Variants in SRFBP1 observed in about 807,000 individuals in gnomAD.
SRFBP1 encodes serum response factor-binding protein 1.
Under a neutral mutation model 45.5 loss-of-function variants are expected in SRFBP1, and 47 were observed. That is an observed-to-expected ratio of 1.03 (90% CI 0.82 to 1.32). The LOEUF (loss-of-function observed/expected upper bound fraction) is 1.32, where lower values mean the gene tolerates loss of function less well. SRFBP1 is among the 40% of genes most tolerant of loss of function. SRFBP1 has a pLI of 0.00. For synonymous variants in SRFBP1, 203 were observed against 166.3 expected (o/e 1.22, Z -1.70); for missense variants, 621 against 484.6 (o/e 1.28, Z -2.64).
At chr5:122,066,531 A>G (rs926403350) in intron 2 of SRFBP1, 1 of 492,076 alleles carries the variant, frequency 2.0e-6, no homozygotes, top group African/African-American at 1.9e-5. Context: ...AGTGATGTAA[A>G]TAATAAACAT....
intron 6 of SRFBP1, among the ~76,000 whole-genome samples, chr5:122,021,656 C>T (rs540210200): frequency 1.1e-4 from 15 of 141,210 alleles, no homozygotes; most frequent in Admixed American, 1.0e-3. Context: ...CCCTTTACCA[C>T]AAAATATAAA....
intron 3 of SRFBP1, among the ~76,000 whole-genome samples, chr5:121,981,421 T>C (rs1350401724): frequency 6.6e-6 from 1 of 152,070 alleles, no homozygotes; most frequent in Non-Finnish European, 1.5e-5. Context: ...AATCATGTTC[T>C]GCACTCTAAC....
At chr5:121,987,067 C>T (rs1752533604) in intron 3 of SRFBP1, among the ~76,000 whole-genome samples, 1 of 152,046 alleles carries the variant, frequency 6.6e-6, no homozygotes, top group Non-Finnish European at 1.5e-5. Context: ...ATATAATGGG[C>T]CTTGGAGTTA....
intron 4 of SRFBP1, among the ~76,000 whole-genome samples, chr5:122,017,811 G>A (rs892150611): frequency 4.6e-5 from 7 of 152,130 alleles, no homozygotes; most frequent in African/African-American, 9.7e-5. Context: ...TCACAATGAA[G>A]GGTAAATTTA....
At chr5:122,010,635 C>G (rs1207259659) in intron 4 of SRFBP1, among the ~76,000 whole-genome samples, 1 of 138,642 alleles carries the variant, frequency 7.2e-6, no homozygotes, top group Non-Finnish European at 1.5e-5. Flanking sequence ...ATCACTTACA[C>G]TTAATGTTCC....
chr5:122,027,672 G>C lies in SRFBP1; in HGVS notation c.*546G>C, dbSNP rs2112717285. 1 of 152,104 alleles carries C rather than the reference G, an allele frequency of 6.6e-6. No homozygotes were observed. The highest frequency in any genetic ancestry group is 2.1e-4 in the South Asian group (1 of 4,816). 9.4% of individuals were successfully genotyped at this position (152,104 alleles called of 1,614,324 possible). A position where few individuals can be genotyped will look rare whatever the true frequency, so the allele number is the denominator to read the frequency against. On this transcript the variant is annotated 3_prime_UTR_variant, in exon 8 of 8. Coordinates refer to ENST00000339397, the MANE Select transcript of SRFBP1 (RefSeq NM_152546.3). ...CATAGGAAATCAGCTATTTAAACCAGATCACCCTTGTTAAAAATCATTCTT... is the reference window on the plus strand; with the variant it reads ...CATAGGAAATCAGCTATTTAAACCACATCACCCTTGTTAAAAATCATTCTT...
In SRFBP1 at chr5:122,058,529, A is replaced by AGTGTGTGT. The variant is rs147926229; in HGVS notation, n.312-16751_312-16744dup. ...CATAGCTGTGAGAAGACAATGAGAT[A>AGTGTGTGT]GTGTGTGTGTGTGTGTGTGTGTGTG... On this transcript the variant is annotated intron_variant and non_coding_transcript_variant, in intron 2 of 2. Coordinates refer to the SRFBP1 transcript ENST00000504881. Among the ~76,000 whole-genome samples, 560 of 142,340 alleles carry AGTGTGTGT rather than the reference A, an allele frequency of 3.9e-3. 1 individual carries two copies. Among genetic ancestry groups the AGTGTGTGT allele is most frequent in the African/African-American group, 5.9e-3 (229 of 39,060 alleles). 93.4% of individuals were successfully genotyped at this position (142,340 alleles called of 152,430 possible).
At chr5:121,980,203 CT>C (rs1752381393) in intron 3 of SRFBP1, among the ~76,000 whole-genome samples, 1 of 152,126 alleles carries the variant, frequency 6.6e-6, no homozygotes, top group South Asian at 2.1e-4. Flanking sequence ...TGTATTTATA[CT>C]TTTCCTTCCA....
chr5:122,063,794 T>C (rs934026519), intron 2 of SRFBP1: 1 of 151,972 alleles, frequency 6.6e-6, no homozygotes, highest in African/African-American at 2.4e-5. Context: ...AGGAAAATTT[T>C]AATGAATTGC....
intron 3 of SRFBP1, among the ~76,000 whole-genome samples, chr5:121,981,799 G>A (rs765745451): frequency 1.4e-4 from 21 of 151,706 alleles, no homozygotes; most frequent in East Asian, 1.9e-4. Context: ...ATGTATTTCC[G>A]CTATCATATG....
chr5:121,963,701 A>T (rs1449304777), intron 1 of SRFBP1, among the ~76,000 whole-genome samples: 2 of 151,960 alleles, frequency 1.3e-5, no homozygotes, highest in Non-Finnish European at 2.9e-5. Flanking sequence ...TGTGTCTATC[A>T]TGTGTAGCAC....
intron 7 of SRFBP1, among the ~76,000 whole-genome samples, chr5:122,024,956 T>TC (rs994055269): frequency 6.6e-6 from 1 of 152,196 alleles, no homozygotes; most frequent in African/African-American, 2.4e-5. Flanking sequence ...TTGTTTTGTT[T>TC]TTTTTATTTT....
At chr5:121,968,221 CATTATTATTATTATT>C (rs5870986) in intron 1 of SRFBP1, among the ~76,000 whole-genome samples, 1 of 144,706 alleles carries the variant, frequency 6.9e-6, no homozygotes, top group Admixed American at 6.9e-5. Context: ...CAAACTCTGT[CATTATTATTATTATT>C]ATTATTATTA....
rs1488214791 is a variant in SRFBP1, at chr5:122,019,258, A to G, written c.271-2A>G. On this transcript the variant is annotated splice_acceptor_variant, in intron 4 of 7. Coordinates refer to ENST00000339397, the MANE Select transcript of SRFBP1 (RefSeq NM_152546.3). LOFTEE classifies it high-confidence loss of function. ...ACGTTTATTATATTTTTAAATTTGCAGCCAGATTCTACTGCAACTGAAAGA... is the reference window on the plus strand; with the variant it reads ...ACGTTTATTATATTTTTAAATTTGCGGCCAGATTCTACTGCAACTGAAAGA... The G allele has an allele frequency of 2.5e-6, 4 of 1,610,908 alleles. No individual in the cohort carries two copies. The highest frequency in any genetic ancestry group is 3.4e-6 in the Non-Finnish European group (4 of 1,178,350).
At chr5:121,989,872 C>G (rs561768548) in intron 3 of SRFBP1, among the ~76,000 whole-genome samples, 1 of 152,284 alleles carries the variant, frequency 6.6e-6, no homozygotes, top group East Asian at 1.9e-4. Flanking sequence ...GTCCTCTTGG[C>G]TGATTTTTTT....
At chr5:122,077,680 C>T (rs1309313423), downstream of SRFBP1, 2 of 1,601,486 alleles carry the variant, frequency 1.2e-6, no homozygotes, top group South Asian at 2.2e-5. This position sits in a 1 kb window ranked among gnomAD's most constrained non-coding sequence, Gnocchi z 4.9. Context: ...TCCGCGTTCG[C>T]GCCGCGGCGG....
intron 2 of SRFBP1, among the ~76,000 whole-genome samples, chr5:122,034,029 G>A (rs1196326832): frequency 6.6e-6 from 1 of 151,692 alleles, no homozygotes; most frequent in Admixed American, 6.6e-5. Context: ...TTGCCATGTG[G>A]GCCAGGCTGG....
intron 4 of SRFBP1, among the ~76,000 whole-genome samples, chr5:121,995,911 A>G (rs1016579047): frequency 5.3e-5 from 8 of 152,222 alleles, no homozygotes; most frequent in Non-Finnish European, 1.0e-4. Context: ...TAGAAAATCT[A>G]GAAGAAATGG....
chr5:122,021,668 CTTTTTTTTTTTTTTTT>C (rs912072262), intron 6 of SRFBP1, among the ~76,000 whole-genome samples: 1 of 96,954 alleles, frequency 1.0e-5, no homozygotes, highest in Non-Finnish European at 2.0e-5. Context: ...AAATATAAAT[CTTTTTTTTTTTTTTTT>C]TTTTTTTTTT....
Sources: allele counts gnomAD v4.1 joint callset (sites outside exome capture counted in the v4.1 genomes callset), GRCh38; gene constraint gnomAD v4.1.1; non-coding constraint Gnocchi (gnomAD v3.1); transcripts MANE v1.5; gene names NCBI Gene and HGNC (gene_info 2026-07-23, HGNC 2026-07-21).